SAMHD1: variants seen among roughly 807,000 people sequenced by gnomAD.
SAMHD1 encodes deoxynucleoside triphosphate triphosphohydrolase SAMHD1.
Under a neutral mutation model 79.6 loss-of-function variants are expected in SAMHD1, and 54 were observed. That is an observed-to-expected ratio of 0.68 (90% CI 0.55 to 0.85). SAMHD1 has a LOEUF of 0.85. SAMHD1 is among the 40% of genes least tolerant of loss of function. The pLI, the probability that SAMHD1 is intolerant of heterozygous loss-of-function variation, is 0.00. For missense variants in SAMHD1, 663 were observed against 782.7 expected (o/e 0.85, Z 1.82); for synonymous variants, 260 against 264.1 (o/e 0.98, Z 0.15).
Position 36,897,949 on chromosome 20 carries a change from AG to A in SAMHD1, c.1618del (p.Leu540PhefsTer10), listed in dbSNP as rs1336571464. 6.8e-6 allele frequency: 11 copies of A among 1,614,210 alleles called. No individual in the cohort carries two copies. The highest frequency in any genetic ancestry group is 9.3e-6 in the Non-Finnish European group (11 of 1,180,046). On this transcript the variant is annotated frameshift_variant, in exon 15 of 16. Transcript: ENST00000646673. LOFTEE classifies it high-confidence loss of function. ...IRITKNQVSQ[L>X]LPEKFAEQLI... ...CTGCTCTGCAAATTTCTCTGGCAGA[AG>A]TTGTGAAACCTTTTTAAAATGAAGA...
intron 5 of SAMHD1, among the ~76,000 whole-genome samples, chr20:36,929,375 TCTCAG>T (rs2063554946): frequency 6.6e-6 from 1 of 151,898 alleles, no homozygotes; most frequent in African/African-American, 2.4e-5. Context: ...ACACACAAAC[TCTCAG>T]AGTCCCTGAA....
At position 36,918,747 on chromosome 20, in the gene SAMHD1, C is replaced by T. The variant is rs545345081; in HGVS notation, c.852+617G>A. 2.4e-3 allele frequency among the ~76,000 whole-genome samples: 308 copies of T among 129,574 alleles called. 1 individual carries two copies. The highest frequency in any genetic ancestry group is 8.5e-3 in the African/African-American group (287 of 33,862). 85.0% of individuals were successfully genotyped at this position (129,574 alleles called of 152,430 possible). A position where few individuals can be genotyped will look rare whatever the true frequency, so the allele number is the denominator to read the frequency against. ...AGCCTGGGAGACAGAGGTTGCACTG[C>T]GCTGAGATCATGCCACTGTACTCCA... On this transcript the variant is annotated intron_variant, in intron 7 of 15. Coordinates refer to ENST00000646673, the MANE Select transcript of SAMHD1 (RefSeq NM_015474.4).
rs2063437896 is a variant in SAMHD1 at position 36,911,235 on chromosome 20, G to A, written c.1253C>T (p.Ala418Val). Reference sequence around the variant, plus strand: ...CTTCTTACCTGTCAGCTTAGTATAGGCTTCCATGTCGTCAATTGCTGTAGA... The same window carrying A: ...CTTCTTACCTGTCAGCTTAGTATAGACTTCCATGTCGTCAATTGCTGTAGA... ...RISTAIDDME[A>V]YTKLTDNIFL... Residue 418 changes from alanine (A) to valine (V), a missense_variant, in exon 11 of 16, where the codon GCC becomes GTC. Transcript: ENST00000646673. 6.2e-7 allele frequency: 1 copy of A among 1,611,668 alleles called. No homozygotes were observed. Among genetic ancestry groups the A allele is most frequent in the Admixed American group, 1.7e-5 (1 of 59,964 alleles).
Position 36,900,763 on chromosome 20 carries a change from A to G in SAMHD1, c.1504-2219T>C, listed in dbSNP as rs1035996406. Among the ~76,000 whole-genome samples, 19 of 148,292 alleles carry G rather than the reference A, an allele frequency of 1.3e-4. 1 individual carries two copies. The South Asian group carries it at 1.3e-3, about 10-fold the overall frequency. On this transcript the variant is annotated intron_variant, in intron 13 of 15. Transcript: ENST00000646673. ...TTTTTTTTTTAATTTTAGTAGAGAC[A>G]GGGTTTCACCATGTTGGCCAGGATG...
At chr20:36,916,301 T>C (rs1277999426) in intron 9 of SAMHD1, among the ~76,000 whole-genome samples, 2 of 151,976 alleles carry the variant, frequency 1.3e-5, no homozygotes, top group African/African-American at 4.8e-5. Flanking sequence ...CACAGGGTTA[T>C]ACGGAATGAG....
chr20:36,898,804 C>T (rs572418846), intron 13 of SAMHD1, among the ~76,000 whole-genome samples: 10 of 149,112 alleles, frequency 6.7e-5, no homozygotes, highest in Admixed American at 2.7e-4. Flanking sequence ...CCCAGTTACT[C>T]GGGAGACTGA....
At chr20:36,905,127 AG>A (rs1167771708) in intron 12 of SAMHD1, 1 of 519,404 alleles carries the variant, frequency 1.9e-6, no homozygotes, top group Non-Finnish European at 3.5e-6. Context: ...GAGTTAAGTT[AG>A]ACCTGGCTTT....
chr20:36,947,591 T>TGTGTGTGTGTG (rs1568786315), intron 1 of SAMHD1, among the ~76,000 whole-genome samples: 5 of 146,922 alleles, frequency 3.4e-5, no homozygotes, highest in Non-Finnish European at 4.5e-5. Context: ...TGTGTGTGTG[T>TGTGTGTGTGTG]TGTTGGGTTT....
intron 2 of SAMHD1, among the ~76,000 whole-genome samples, chr20:36,942,090 TC>T (rs2063648377): frequency 1.3e-5 from 2 of 152,146 alleles, no homozygotes; most frequent in South Asian, 4.1e-4. Context: ...CTTAATATTT[TC>T]CTAAACTGAC....
At position 36,951,571 on chromosome 20, in the gene SAMHD1, T is replaced by C. The variant is rs1457647268; in HGVS notation, c.73A>G (p.Thr25Ala). The change falls in exon 1 of 16, where the codon ACC (threonine) becomes GCC (alanine). Residue 25 changes from threonine (T) to alanine (A), a missense_variant. Thr to Ala is a moderately conservative substitution (Grantham distance 58). Transcript: ENST00000646673. Reference protein sequence around the residue: ...CDDSPRTPSNTPSAEADWSPG... With the variant: ...CDDSPRTPSNAPSAEADWSPG... ...GACCAGTCTGCCTCTGCGGAAGGGG[T>C]GTTTGAGGGGGTTCTCGGGCTGTCA... 6.2e-7 allele frequency: 1 copy of C among 1,613,456 alleles called. No homozygotes were observed. The highest frequency in any genetic ancestry group is 8.5e-7 in the Non-Finnish European group (1 of 1,179,854).
chr20:36,930,085 CAAAAA>C (rs11468025), intron 5 of SAMHD1, among the ~76,000 whole-genome samples: 1 of 131,446 alleles, frequency 7.6e-6, no homozygotes, highest in Admixed American at 7.9e-5. Context: ...AAAAAAAGAC[CAAAAA>C]AAAAAAAAAA....
At chr20:36,910,924 C>G (rs577718872) in intron 11 of SAMHD1, among the ~76,000 whole-genome samples, 1 of 151,980 alleles carries the variant, frequency 6.6e-6, no homozygotes, top group Non-Finnish European at 1.5e-5. Context: ...AGAAATAAAA[C>G]TCAAATTCAA....
In SAMHD1 at chr20:36,951,561, G is replaced by C; in HGVS notation, c.83C>G (p.Ala28Gly). ...CAGGCCCGGGGACCAGTCTGCCTCT[G>C]CGGAAGGGGTGTTTGAGGGGGTTCT... ...SPRTPSNTPSAEADWSPGLEL... is the reference protein window; with the variant it reads ...SPRTPSNTPSGEADWSPGLEL... The change falls in exon 1 of 16, where the codon GCA (alanine) becomes GGA (glycine). Residue 28 changes from alanine to glycine, a missense_variant. Physicochemically the swap from Ala to Gly is moderately conservative, Grantham distance 60. Coordinates refer to ENST00000646673, the MANE Select transcript of SAMHD1 (RefSeq NM_015474.4). 6.2e-7 allele frequency: 1 copy of C among 1,614,222 alleles called. No individual in the cohort carries two copies. The highest frequency in any genetic ancestry group is 2.2e-5 in the East Asian group (1 of 44,888).
rs773876311 is a variant in SAMHD1, at chr20:36,905,480, AT to A, written c.1293del (p.Leu431PhefsTer8). Reference protein sequence around the residue: ...KLTDNIFLEILYSTDPKLKDA... With the variant: ...KLTDNIFLEIXYSTDPKLKDA... ...TCTTTCAATTTGGGATCAGTAGAGT[AT>A]AAAATCTCCAGAAAAATGTTATCTG... On this transcript the variant is annotated frameshift_variant, in exon 12 of 16. Transcript: ENST00000646673. LOFTEE classifies it high-confidence loss of function. 1 of 1,611,472 alleles carries A rather than the reference AT, an allele frequency of 6.2e-7. No individual in the cohort carries two copies. The highest frequency in any genetic ancestry group is 8.5e-7 in the Non-Finnish European group (1 of 1,177,622).
chr20:36,949,768 A>T (rs1333158550), intron 1 of SAMHD1, among the ~76,000 whole-genome samples: 1 of 151,072 alleles, frequency 6.6e-6, no homozygotes, highest in Non-Finnish European at 1.5e-5. Flanking sequence ...AAAAAAAAAA[A>T]AAAAAAAAAA....
In SAMHD1 at chr20:36,951,673, A is replaced by C; in HGVS notation, c.-30T>G. On this transcript the variant is annotated 5_prime_UTR_variant, in exon 1 of 16. Transcript: ENST00000646673. ...ACACCTGGCGTCCGGCACAGCAGTC[A>C]AGAACCTCGGCGCCGGACCCGCGCG... 1 of 1,611,374 alleles carries C rather than the reference A, an allele frequency of 6.2e-7. No homozygotes were observed. The highest frequency in any genetic ancestry group is 8.5e-7 in the Non-Finnish European group (1 of 1,179,876).
chr20:36,942,908 G>A (rs187220307), intron 2 of SAMHD1, among the ~76,000 whole-genome samples: 3 of 151,998 alleles, frequency 2.0e-5, no homozygotes, highest in Admixed American at 1.3e-4. Flanking sequence ...CGCCCGCCTC[G>A]GCCTCCCAAA....
chr20:36,941,567 G>A (rs6030316), intron 2 of SAMHD1, among the ~76,000 whole-genome samples: 11 of 152,180 alleles, frequency 7.2e-5, no homozygotes, highest in African/African-American at 2.4e-4. Flanking sequence ...CCCTCACAAT[G>A]CTCCAGTTTC....
chr20:36,930,643 C>T (rs550127980), intron 5 of SAMHD1, 117 bp downstream of exon 5: 1 of 786,558 alleles, frequency 1.3e-6, no homozygotes, highest in East Asian at 2.4e-5. Context: ...CTAACATCAA[C>T]TGAAGAATTA....
Sources: allele counts gnomAD v4.1 joint callset (sites outside exome capture counted in the v4.1 genomes callset), GRCh38; gene constraint gnomAD v4.1.1; transcripts MANE v1.5; gene names NCBI Gene and HGNC (gene_info 2026-07-23, HGNC 2026-07-21).